Variants in SCTR observed in about 807,000 individuals in gnomAD.
The protein encoded by SCTR is secretin receptor.
Under a neutral mutation model 60.8 loss-of-function variants are expected in SCTR, and 56 were observed. That is an observed-to-expected ratio of 0.92 (90% CI 0.74 to 1.15). The LOEUF (loss-of-function observed/expected upper bound fraction) is 1.15. Ranked by LOEUF, SCTR falls within the 50% of genes most tolerant of loss-of-function variation. SCTR has a pLI of 0.00. For synonymous variants in SCTR, 202 were observed against 217.0 expected, an observed-to-expected ratio of 0.93 and a Z score of 0.61; for missense variants, 562 against 550.4, an observed-to-expected ratio of 1.02 and a Z score of -0.21.
At chr2:119,476,464 G>C (rs1021183621) in intron 3 of SCTR, 1 of 152,296 alleles carries the variant, frequency 6.6e-6, no homozygotes. Flanking sequence ...CAGGACCCCA[G>C]CTTCCATCCT....
chr2:119,503,835 A>G (rs1678642225), intron 1 of SCTR, among the ~76,000 whole-genome samples: 1 of 152,236 alleles, frequency 6.6e-6, no homozygotes. Context: ...AGCAATTGTA[A>G]TAAATAAACC....
At chr2:119,444,106 C>G (rs1682761677) in intron 11 of SCTR, among the ~76,000 whole-genome samples, 2 of 53,634 alleles carry the variant, frequency 3.7e-5, no homozygotes, top group African/African-American at 1.9e-4. Context: ...ATATGAAAAA[C>G]ATTTTCTCAT....
intron 6 of SCTR, among the ~76,000 whole-genome samples, chr2:119,463,413 T>C (rs1683696793): frequency 6.6e-6 from 1 of 152,128 alleles, no homozygotes; most frequent in South Asian, 2.1e-4. Flanking sequence ...GCAGCAGTCA[T>C]ATTGCAACCA....
intron 2 of SCTR, among the ~76,000 whole-genome samples, chr2:119,489,034 G>A (rs777641465): frequency 3.3e-5 from 5 of 152,158 alleles, no homozygotes; most frequent in Non-Finnish European, 7.3e-5. Context: ...AACCGTGAGA[G>A]CCCAACAGGA....
At chr2:119,467,975 A>G (rs1683907112) in intron 4 of SCTR, among the ~76,000 whole-genome samples, 1 of 152,320 alleles carries the variant, frequency 6.6e-6, no homozygotes, top group South Asian at 2.1e-4. Flanking sequence ...ATATGAAATT[A>G]CCTTTTGTGT....
At position 119,446,762 on chromosome 2, in the gene SCTR, G is replaced by A. The variant is rs1682944927; in HGVS notation, c.1137C>T (p.Phe379=). Residue 379 remains phenylalanine, a synonymous_variant, in exon 11 of 13, where the codon TTC becomes TTT. Coordinates refer to ENST00000019103, the MANE Select transcript of SCTR (RefSeq NM_002980.3). Reference sequence around the variant, plus strand: ...AGCCCCAGTCCTGGAAACTTACCTGGAATGAGCCAAGGGCTAGTTCAAAAA... The same window carrying A: ...AGCCCCAGTCCTGGAAACTTACCTGAAATGAGCCAAGGGCTAGTTCAAAAA... ...QLFFELALGS[F]QGLVVAVLYC... 2.0e-6 allele frequency: 3 copies of A among 1,530,986 alleles called. No homozygotes were observed. The South Asian group carries it at 3.8e-5, about 20-fold the overall frequency. The allele number at this position is 1,530,986 out of a possible 1,614,324, so 94.8% of individuals were successfully genotyped here. A position where few individuals can be genotyped will look rare whatever the true frequency, so the allele number is the denominator to read the frequency against.
At chr2:119,443,289 C>T (rs1682723419) in intron 11 of SCTR, among the ~76,000 whole-genome samples, 1 of 152,086 alleles carries the variant, frequency 6.6e-6, no homozygotes, top group African/African-American at 2.4e-5. Context: ...TGAAGAAATG[C>T]TCATGATGGG....
intron 1 of SCTR, among the ~76,000 whole-genome samples, chr2:119,495,307 C>A (rs1242501622): frequency 3.9e-5 from 6 of 152,224 alleles, no homozygotes; most frequent in Admixed American, 3.9e-4. Flanking sequence ...TAACCATCTT[C>A]TTGTCCCACA....
Position 119,479,353 on chromosome 2 carries a change from A to G in SCTR, c.194-435T>C, listed in dbSNP as rs998757961. On this transcript the variant is annotated intron_variant, in intron 2 of 12. Transcript: ENST00000019103. ...TAGAAATAGACCTAGCCGGCGTGGC[A>G]CACAGGGATCCTGCATGAATTGGTT... The G allele has an allele frequency of 6.8e-6, 6 of 883,612 alleles. No homozygotes were observed. The African/African-American group carries it at 7.2e-5, about 11-fold the overall frequency. The allele number at this position is 883,612 out of a possible 1,614,324, so 54.7% of individuals were successfully genotyped here.
chr2:119,481,375 T>C (rs1025661491), intron 2 of SCTR, among the ~76,000 whole-genome samples: 1 of 152,150 alleles, frequency 6.6e-6, no homozygotes, highest in African/African-American at 2.4e-5. Context: ...CCAGCCTACA[T>C]CAGAATGAGC....
At chr2:119,464,329 C>T in intron 5 of SCTR, 74 bp from the exon 6 acceptor site, 1 of 1,477,994 alleles carries the variant, frequency 6.8e-7, no homozygotes, top group Non-Finnish European at 9.4e-7. Context: ...CACCTGCCAC[C>T]AGTGCACTGG....
chr2:119,452,147 A>T, intron 8 of SCTR, 68 bp from the exon 9 acceptor site: 1 of 965,122 alleles, frequency 1.0e-6, no homozygotes, highest in Non-Finnish European at 1.7e-6. Context: ...CAGCAAGGAC[A>T]TGTTCCCTGA....
At chr2:119,449,366 T>C (rs113985835) in intron 9 of SCTR, among the ~76,000 whole-genome samples, 54 of 152,342 alleles carry the variant, frequency 3.5e-4, no homozygotes, top group African/African-American at 1.3e-3. Context: ...CCTTTCCTGA[T>C]TCACCGTATT....
chr2:119,475,676 G>A (rs1270149257), intron 3 of SCTR, among the ~76,000 whole-genome samples: 2 of 145,940 alleles, frequency 1.4e-5, no homozygotes, highest in Admixed American at 1.4e-4. Flanking sequence ...ATTTATATTT[G>A]TATTATATTA....
intron 7 of SCTR, among the ~76,000 whole-genome samples, chr2:119,456,144 T>C (rs961247518): frequency 7.0e-6 from 1 of 141,938 alleles, no homozygotes; most frequent in African/African-American, 2.7e-5. Context: ...CTCTGCAACC[T>C]CCACCACCCG....
At chr2:119,471,422 C>T (rs1161339352) in intron 4 of SCTR, among the ~76,000 whole-genome samples, 1 of 152,114 alleles carries the variant, frequency 6.6e-6, no homozygotes, top group African/African-American at 2.4e-5. Context: ...TAAATCATCC[C>T]ACTCTGACCA....
intron 3 of SCTR, among the ~76,000 whole-genome samples, chr2:119,477,518 T>C (rs1003236947): frequency 2.6e-5 from 4 of 152,108 alleles, no homozygotes; most frequent in African/African-American, 9.7e-5. Flanking sequence ...TGGCACGAGC[T>C]CAGCTAACTG....
intron 5 of SCTR, among the ~76,000 whole-genome samples, chr2:119,464,625 T>C (rs926040247): frequency 6.6e-6 from 1 of 152,222 alleles, no homozygotes; most frequent in Non-Finnish European, 1.5e-5. Flanking sequence ...GGTGCCTGCC[T>C]GTATTCCTTG....
At chr2:119,500,971 T>C (rs549792309) in intron 1 of SCTR, among the ~76,000 whole-genome samples, 4 of 152,292 alleles carry the variant, frequency 2.6e-5, no homozygotes, top group Admixed American at 6.5e-5. Context: ...TATGAATGTA[T>C]ATGATTATCA....
Sources: allele counts gnomAD v4.1 joint callset (sites outside exome capture counted in the v4.1 genomes callset), GRCh38; gene constraint gnomAD v4.1.1; transcripts MANE v1.5; gene names NCBI Gene and HGNC (gene_info 2026-07-23, HGNC 2026-07-21).